PRKCB: variants seen among roughly 807,000 people sequenced by gnomAD.
PRKCB encodes protein kinase C beta type.
PRKCB carries 13 observed loss-of-function variants against 81.5 expected under a neutral mutation model. That is an observed-to-expected ratio of 0.16 (90% CI 0.10 to 0.25). PRKCB has a LOEUF of 0.25. PRKCB is among the 10% of genes least tolerant of loss of function. The probability of loss-of-function intolerance (pLI) is 1.00; values close to 1 mark genes in which losing one functional copy is unlikely to be tolerated. For synonymous variants in PRKCB, 335 were observed against 321.4 expected (o/e 1.04, Z -0.45); for missense variants, 509 against 875.7 (o/e 0.58, Z 5.29).
chr16:24,110,703 AGAGACAGGGTCTCGCT>A (rs1182726375), intron 7 of PRKCB, among the ~76,000 whole-genome samples: 109 of 150,962 alleles, frequency 7.2e-4, no homozygotes, highest in African/African-American at 2.5e-3. Flanking sequence ...ATTTTTTTGT[AGAGACAGGGTCTCGCT>A]ATGTTGCCCA....
chr16:23,911,128 C>CTTTTTTGTTTTTTTT (rs1963645520), intron 2 of PRKCB, among the ~76,000 whole-genome samples: 1 of 31,558 alleles, frequency 3.2e-5, no homozygotes, highest in African/African-American at 1.3e-4. Flanking sequence ...CGTATATATG[C>CTTTTTTGTTTTTTTT]TTTTTTTTTT....
Position 23,836,330 on chromosome 16 carries a change from A to G in PRKCB, c.155A>G (p.His52Arg), listed in dbSNP as rs1259154481. 6.2e-7 allele frequency: 1 copy of G among 1,602,112 alleles called. No homozygotes were observed. Reference protein sequence around the residue: ...RFFKQPTFCSHCTDFIWGFGK... With the variant: ...RFFKQPTFCSRCTDFIWGFGK... ...TTCAAGCAGCCCACCTTCTGCAGCC[A>G]CTGCACCGACTTCATCTGGTGAGCG... is the stretch of plus-strand genomic sequence containing the variant. Residue 52 changes from histidine (H) to arginine (R), a missense_variant, in exon 1 of 17, where the codon CAC (histidine) becomes CGC (arginine). By Grantham distance (29) the His-to-Arg change is conservative. Around this residue, in one of 6 missense-constraint regions of PRKCB, gnomAD observed 184 missense variants for 362.9 expected, o/e 0.51. Transcript: ENST00000643927.
chr16:24,038,293 C>A (rs2046893), intron 5 of PRKCB, among the ~76,000 whole-genome samples: 71,819 of 152,112 alleles, frequency 0.47, 17,238 homozygotes, highest in South Asian at 0.65. Flanking sequence ...TGAGACTAGG[C>A]GTTCAAGACC....
intron 2 of PRKCB, among the ~76,000 whole-genome samples, chr16:23,850,496 G>T (rs998041294): frequency 6.6e-6 from 1 of 152,106 alleles, no homozygotes; most frequent in Non-Finnish European, 1.5e-5. Flanking sequence ...CTCCCAAGCA[G>T]CTGGGATTAC....
At chr16:23,947,501 GGA>G (rs1192569557) in intron 2 of PRKCB, among the ~76,000 whole-genome samples, 2 of 152,154 alleles carry the variant, frequency 1.3e-5, no homozygotes, top group Non-Finnish European at 2.9e-5. Flanking sequence ...CAAGACAGTA[GGA>G]GAGAGTCACT....
At chr16:24,001,280 T>C (rs930830553) in intron 3 of PRKCB, among the ~76,000 whole-genome samples, 1 of 152,242 alleles carries the variant, frequency 6.6e-6, no homozygotes, top group African/African-American at 2.4e-5. Flanking sequence ...TTAGAAATAA[T>C]TTCTTATGAT....
chr16:23,870,115 A>G (rs1320506365), intron 2 of PRKCB, among the ~76,000 whole-genome samples: 1 of 152,184 alleles, frequency 6.6e-6, no homozygotes, highest in Non-Finnish European at 1.5e-5. Context: ...TCGTCTCTCT[A>G]TGTTCCAAAA....
Position 23,971,803 on chromosome 16 carries a change from T to C in PRKCB, c.206-16705T>C, listed in dbSNP as rs569657680. ...CAAAACATATTATAAGATAATGTGT[T>C]GGATTGTTTTCCTTTAAAAAATGGT... On this transcript the variant is annotated intron_variant, in intron 2 of 16. Coordinates refer to ENST00000643927, the MANE Select transcript of PRKCB (RefSeq NM_002738.7). Among the ~76,000 whole-genome samples, 3 of 152,298 alleles carry C rather than the reference T, an allele frequency of 2.0e-5. No individual in the cohort carries two copies. In the East Asian group the frequency reaches 5.8e-4, roughly 29 times the overall value.
At chr16:24,022,615 C>T (rs938345891) in intron 3 of PRKCB, among the ~76,000 whole-genome samples, 1 of 152,130 alleles carries the variant, frequency 6.6e-6, no homozygotes, top group African/African-American at 2.4e-5. Flanking sequence ...CCTCAGCCTC[C>T]TGAGTAGCTG....
At chr16:24,041,408 T>A (rs1018268466) in intron 5 of PRKCB, among the ~76,000 whole-genome samples, 5 of 146,982 alleles carry the variant, frequency 3.4e-5, no homozygotes, top group African/African-American at 1.4e-4. Flanking sequence ...ACATAACAAC[T>A]GACATCTATT....
chr16:23,967,835 T>C (rs1252302446), intron 2 of PRKCB, among the ~76,000 whole-genome samples: 1 of 152,190 alleles, frequency 6.6e-6, no homozygotes, highest in African/African-American at 2.4e-5. Flanking sequence ...GTATGTTTAG[T>C]AGAGACAGGG....
chr16:24,054,900 C>A (rs1184724824), intron 5 of PRKCB, among the ~76,000 whole-genome samples: 1 of 152,242 alleles, frequency 6.6e-6, no homozygotes, highest in Non-Finnish European at 1.5e-5. Flanking sequence ...CTGCATCTGT[C>A]TGCATCACTG....
chr16:23,911,823 C>T (rs1963658962), intron 2 of PRKCB, among the ~76,000 whole-genome samples: 1 of 60,858 alleles, frequency 1.6e-5, no homozygotes, highest in East Asian at 6.0e-4. Flanking sequence ...ATGCGCGACC[C>T]ACATTTTTTT....
Position 23,884,600 on chromosome 16 carries a change from C to A in PRKCB, c.205+47194C>A, listed in dbSNP as rs141968396. Among the ~76,000 whole-genome samples, 130 of 152,260 alleles carry A rather than the reference C, an allele frequency of 8.5e-4. 1 individual carries two copies. The highest frequency in any genetic ancestry group is 3.4e-3 in the Middle Eastern group (1 of 294). ...CCTAGACTGGAATGCAGTGGTGTGA[C>A]CGTAGCTCACTGCAGCTTCAATCTC... On this transcript the variant is annotated intron_variant, in intron 2 of 16. Transcript: ENST00000643927.
At chr16:23,869,008 A>G in intron 2 of PRKCB, 2 of 407,928 alleles carry the variant, frequency 4.9e-6, no homozygotes, top group South Asian at 3.4e-5. Context: ...CGACTTGCCC[A>G]GGGTCCCTGT....
chr16:24,197,796 C>T (rs1188002592), intron 16 of PRKCB, among the ~76,000 whole-genome samples: 2 of 152,142 alleles, frequency 1.3e-5, no homozygotes, highest in Non-Finnish European at 2.9e-5. Flanking sequence ...CAGTCATTGT[C>T]TCATGGAGAC....
chr16:24,208,312 G>A (rs1342194218), intron 16 of PRKCB: 1 of 152,296 alleles, frequency 6.6e-6, no homozygotes, highest in Non-Finnish European at 1.5e-5. Flanking sequence ...GATCCCTGTG[G>A]CAGTGGTGAC....
chr16:24,040,602 G>C (rs1468329954), intron 5 of PRKCB, among the ~76,000 whole-genome samples: 2 of 152,236 alleles, frequency 1.3e-5, no homozygotes, highest in South Asian at 4.2e-4. Context: ...CCAGCACCTA[G>C]CAAGGTGGGC....
chr16:24,128,639 G>A (rs1197411925), intron 9 of PRKCB, among the ~76,000 whole-genome samples: 4 of 152,192 alleles, frequency 2.6e-5, no homozygotes, highest in African/African-American at 9.7e-5. Context: ...TTACTCGGAG[G>A]TAGATGCCTT....
Sources: gnomAD v4.1 joint callset for allele counts (sites outside exome capture counted in the v4.1 genomes callset) on GRCh38, gnomAD v4.1.1 for gene constraint, gnomAD v4.1.1 regional missense constraint, MANE v1.5 for transcripts, NCBI Gene and HGNC (gene_info 2026-07-23, HGNC 2026-07-21) for gene names.